Variants in METAP2 observed in about 807,000 individuals in gnomAD.
METAP2 encodes the protein methionyl aminopeptidase 2, also known as methionine aminopeptidase 2.
A neutral mutation model predicts 59.4 loss-of-function variants in METAP2; 25 were observed. That is an observed-to-expected ratio of 0.42 (90% CI 0.31 to 0.59). METAP2 has a LOEUF of 0.59. METAP2 is among the 20% of genes least tolerant of loss of function. The pLI is 0.16. For missense variants in METAP2, 366 were observed against 581.2 expected, an observed-to-expected ratio of 0.63 and a Z score of 3.81; for synonymous variants, 214 against 194.1, an observed-to-expected ratio of 1.10 and a Z score of -0.85.
At position 95,506,792 on chromosome 12, in the gene METAP2, A is replaced by ATATTTATTTATT. The variant is rs879449367; in HGVS notation, c.964+2633_964+2634insTTTATTTATTTA. 8.0e-3 allele frequency among the ~76,000 whole-genome samples: 798 copies of ATATTTATTTATT among 99,308 alleles called. 10 individuals carry two copies. Among genetic ancestry groups the ATATTTATTTATT allele is most frequent in the African/African-American group, 0.028 (746 of 26,480 alleles). 65.1% of individuals were successfully genotyped at this position (99,308 alleles called of 152,430 possible). A position where few individuals can be genotyped will look rare whatever the true frequency, so the allele number is the denominator to read the frequency against. Reference sequence around the variant, plus strand: ...CCTGTGAACACAAGTGCAAAGCAGAATACTTATTTATTTATTTATTTATTT... The same window carrying ATATTTATTTATT: ...CCTGTGAACACAAGTGCAAAGCAGAATATTTATTTATTTACTTATTTATTTATTTATTTATTT... On this transcript the variant is annotated intron_variant, in intron 8 of 10. Coordinates refer to ENST00000323666, the MANE Select transcript of METAP2 (RefSeq NM_006838.4).
Position 95,514,315 on chromosome 12 carries a change from C to G in METAP2, c.*411C>G, listed in dbSNP as rs3190914. 1 of 160,600 alleles carries G rather than the reference C, an allele frequency of 6.2e-6. No individual in the cohort carries two copies. Among genetic ancestry groups the G allele is most frequent in the Non-Finnish European group, 1.4e-5 (1 of 73,738 alleles). 9.9% of individuals were successfully genotyped at this position (160,600 alleles called of 1,614,324 possible). On this transcript the variant is annotated 3_prime_UTR_variant, in exon 11 of 11. Transcript: ENST00000323666. ...TTTTAACCTTCCTGGAATCCATTTT[C>G]TAAAAAATAAAGACATTTTCAGATC... is the stretch of plus-strand genomic sequence containing the variant.
intron 8 of METAP2, among the ~76,000 whole-genome samples, chr12:95,509,349 G>C (rs1272023259): frequency 1.3e-5 from 2 of 152,214 alleles, no homozygotes; most frequent in African/African-American, 4.8e-5. Flanking sequence ...ATTGCAGTGG[G>C]AATGCCATAG....
intron 4 of METAP2, among the ~76,000 whole-genome samples, chr12:95,493,083 A>G (rs112432924): frequency 0.015 from 2,248 of 152,280 alleles, 58 homozygotes; most frequent in African/African-American, 0.051. Context: ...GTATTTAAGA[A>G]TGTGTGAAAA....
chr12:95,474,375 G>T, intron 1 of METAP2, 45 bp downstream of exon 1: 1 of 1,602,094 alleles, frequency 6.2e-7, no homozygotes, highest in Non-Finnish European at 8.5e-7. Flanking sequence ...GGGAACGGCT[G>T]AACTGTTTGG....
chr12:95,475,608 GT>G (rs1001946284), intron 1 of METAP2, among the ~76,000 whole-genome samples: 12 of 152,262 alleles, frequency 7.9e-5, no homozygotes, highest in African/African-American at 2.9e-4. Flanking sequence ...GAGCGTTTTA[GT>G]TTTTTAGTAA....
Position 95,514,738 on chromosome 12 carries a change from A to G in METAP2, c.*834A>G, listed in dbSNP as rs1470931760. On this transcript the variant is annotated 3_prime_UTR_variant, in exon 11 of 11. Coordinates refer to ENST00000323666, the MANE Select transcript of METAP2 (RefSeq NM_006838.4). Reference sequence around the variant, plus strand: ...ATGTATTCAGCTTGCTCAGAAAACCAAAAGGGTATTAAAGCCACAAAAGCA... The same window carrying G: ...ATGTATTCAGCTTGCTCAGAAAACCGAAAGGGTATTAAAGCCACAAAAGCA... 1 of 152,204 alleles carries G rather than the reference A, an allele frequency of 6.6e-6. No homozygotes were observed. The highest frequency in any genetic ancestry group is 1.5e-5 in the Non-Finnish European group (1 of 68,038). The allele number at this position is 152,204 out of a possible 1,614,324, so 9.4% of individuals were successfully genotyped here. A position where few individuals can be genotyped will look rare whatever the true frequency, so the allele number is the denominator to read the frequency against.
rs961414843 is a variant in METAP2 at position 95,514,568 on chromosome 12, A to G, written c.*664A>G. 5 of 152,230 alleles carry G rather than the reference A, an allele frequency of 3.3e-5. No homozygotes were observed. Among genetic ancestry groups the G allele is most frequent in the Admixed American group, 2.6e-4 (4 of 15,282 alleles). 9.4% of individuals were successfully genotyped at this position (152,230 alleles called of 1,614,324 possible). Reference sequence around the variant, plus strand: ...TTCACCATTCTTTGTAGGACATAGTAGTCCTTGTCTTTTTTTCTCCTGACA... The same window carrying G: ...TTCACCATTCTTTGTAGGACATAGTGGTCCTTGTCTTTTTTTCTCCTGACA... On this transcript the variant is annotated 3_prime_UTR_variant, in exon 11 of 11. Transcript: ENST00000323666.
At chr12:95,474,695 A>G (rs1029147880) in intron 1 of METAP2, among the ~76,000 whole-genome samples, 1 of 152,186 alleles carries the variant, frequency 6.6e-6, no homozygotes, top group African/African-American at 2.4e-5. Flanking sequence ...CGCCGCCTCA[A>G]AAATCCGATT....
intron 4 of METAP2, among the ~76,000 whole-genome samples, chr12:95,488,992 G>T (rs1373042108): frequency 1.3e-5 from 2 of 152,072 alleles, no homozygotes; most frequent in African/African-American, 4.8e-5. Context: ...CTTATCCAAT[G>T]TCATGGGATG....
At chr12:95,508,979 C>G (rs1049752234) in intron 8 of METAP2, among the ~76,000 whole-genome samples, 2 of 151,946 alleles carry the variant, frequency 1.3e-5, no homozygotes, top group African/African-American at 4.8e-5. Flanking sequence ...AAATGGATTC[C>G]GGGTTGAACT....
chr12:95,511,114 A>T (rs946293663), intron 8 of METAP2, among the ~76,000 whole-genome samples: 28 of 151,710 alleles, frequency 1.8e-4, no homozygotes, highest in Admixed American at 1.3e-3. Context: ...CTTCTTTCTT[A>T]CTTCTATTTC....
intron 8 of METAP2, among the ~76,000 whole-genome samples, chr12:95,505,334 A>G (rs1397551667): frequency 6.7e-6 from 1 of 150,278 alleles, no homozygotes; most frequent in Non-Finnish European, 1.5e-5. Context: ...TACCAGACTT[A>G]AACTTTTTTT....
intron 7 of METAP2, among the ~76,000 whole-genome samples, chr12:95,499,288 C>T (rs550630933): frequency 1.3e-5 from 2 of 152,210 alleles, no homozygotes; most frequent in African/African-American, 4.8e-5. Context: ...ACTACAGGCT[C>T]ATGCCACCGT....
intron 8 of METAP2, among the ~76,000 whole-genome samples, chr12:95,506,497 C>T (rs2076361643): frequency 6.6e-6 from 1 of 151,818 alleles, no homozygotes; most frequent in Non-Finnish European, 1.5e-5. Flanking sequence ...GACGGGGTTT[C>T]ACTATATTTG....
intron 10 of METAP2, among the ~76,000 whole-genome samples, chr12:95,513,358 A>AC (rs2076418765): frequency 2.6e-5 from 4 of 152,182 alleles, no homozygotes; most frequent in Admixed American, 2.6e-4. Context: ...AATTCACATC[A>AC]TAATACCCTG....
chr12:95,488,997 G>A (rs1172507574), intron 4 of METAP2, among the ~76,000 whole-genome samples: 2 of 152,016 alleles, frequency 1.3e-5, no homozygotes, highest in African/African-American at 4.8e-5. Context: ...CCAATGTCAT[G>A]GGATGTTTTT....
In METAP2 at chr12:95,511,611, C is replaced by T. The variant is rs149048563; in HGVS notation, c.965-284C>T. Among the ~76,000 whole-genome samples the T allele has an allele frequency of 9.2e-3, 1,394 of 152,120 alleles. 28 individuals carry two copies. The highest frequency in any genetic ancestry group is 0.032 in the African/African-American group (1,334 of 41,486). ...TTCGCCATGTTGGTCAGGCTGGTCT[C>T]GAACTCCTGACCTCAGGTGATCCGC... On this transcript the variant is annotated intron_variant, in intron 8 of 10. Coordinates refer to ENST00000323666, the MANE Select transcript of METAP2 (RefSeq NM_006838.4).
chr12:95,500,766 G>A (rs753118720), intron 7 of METAP2, among the ~76,000 whole-genome samples: 3 of 152,024 alleles, frequency 2.0e-5, no homozygotes, highest in African/African-American at 4.8e-5. Flanking sequence ...ATATGCAGTC[G>A]AACTTGGTTT....
At chr12:95,485,579 T>C (rs1322121264) in intron 3 of METAP2, among the ~76,000 whole-genome samples, 1 of 152,208 alleles carries the variant, frequency 6.6e-6, no homozygotes, top group Non-Finnish European at 1.5e-5. Context: ...CTCTCTATGC[T>C]GTTCCATCTC....
Sources: gnomAD v4.1 joint callset for allele counts (sites outside exome capture counted in the v4.1 genomes callset) on GRCh38, gnomAD v4.1.1 for gene constraint, MANE v1.5 for transcripts, NCBI Gene and HGNC (gene_info 2026-07-23, HGNC 2026-07-21) for gene names.